Variants in TBC1D22A observed in about 807,000 individuals in gnomAD.
The protein encoded by TBC1D22A is putative GTPase activator.
In TBC1D22A, 38 loss-of-function variants were observed where a neutral mutation model predicts 60.2. The ratio of observed to expected loss-of-function variants is 0.63; its 90% CI spans 0.49 to 0.83. The LOEUF is 0.83. TBC1D22A is among the 40% of genes least tolerant of loss of function. The pLI is 0.00. For missense variants in TBC1D22A, 628 were observed against 701.0 expected (o/e 0.90, Z 1.18); for synonymous variants, 302 against 281.7 (o/e 1.07, Z -0.72).
chr22:47,011,293 G>A (rs968830265), intron 10 of TBC1D22A, among the ~76,000 whole-genome samples: 11 of 152,154 alleles, frequency 7.2e-5, no homozygotes, highest in African/African-American at 2.7e-4. Context: ...GCAGCCTGCA[G>A]CTGTGCCTGT....
At chr22:47,063,539 G>T (rs2063653774) in intron 11 of TBC1D22A, among the ~76,000 whole-genome samples, 1 of 152,136 alleles carries the variant, frequency 6.6e-6, no homozygotes, top group Admixed American at 6.5e-5. Flanking sequence ...CGTGCCTGCT[G>T]GGGGTCCGGG....
rs141935842 is a variant in TBC1D22A at position 47,072,104 on chromosome 22, C to T, written c.1329+34906C>T. On this transcript the variant is annotated intron_variant, in intron 11 of 12. Transcript: ENST00000337137. ...TCTCTAGCAGCCCTCCGAGTGTGCT[C>T]GGAAAGGTGAGGCCCCCGAGGCAGA... 1.4e-4 allele frequency among the ~76,000 whole-genome samples: 21 copies of T among 152,278 alleles called. No homozygotes were observed. In the East Asian group the frequency reaches 3.1e-3, roughly 22 times the overall value.
chr22:46,841,321 T>C (rs1472867980), intron 4 of TBC1D22A, among the ~76,000 whole-genome samples: 2 of 152,238 alleles, frequency 1.3e-5, no homozygotes, highest in African/African-American at 4.8e-5. Context: ...CATTTGTCCC[T>C]TTTGGCCGTT....
chr22:47,044,895 G>A (rs577560285), intron 11 of TBC1D22A, among the ~76,000 whole-genome samples: 2 of 152,294 alleles, frequency 1.3e-5, no homozygotes, highest in East Asian at 1.9e-4. Flanking sequence ...ATTGGGGCTC[G>A]AGAACTCTAC....
chr22:46,814,810 ATT>A (rs554204065), intron 4 of TBC1D22A, among the ~76,000 whole-genome samples: 4 of 134,848 alleles, frequency 3.0e-5, no homozygotes, highest in Admixed American at 7.4e-5. Context: ...CACACTGGCT[ATT>A]TTTTTTTTTT....
At chr22:47,021,465 T>C (rs556924969) in intron 10 of TBC1D22A, among the ~76,000 whole-genome samples, 1 of 150,398 alleles carries the variant, frequency 6.6e-6, no homozygotes, top group Non-Finnish European at 1.5e-5. Flanking sequence ...CCTGGAGCCC[T>C]GAGCAGGGAA....
chr22:47,002,071 T>G (rs901580025), intron 10 of TBC1D22A, among the ~76,000 whole-genome samples: 3 of 152,244 alleles, frequency 2.0e-5, no homozygotes, highest in Non-Finnish European at 4.4e-5. Flanking sequence ...CAAAGGATTT[T>G]GTATATAAAA....
At chr22:46,961,120 G>A (rs904400533) in intron 8 of TBC1D22A, among the ~76,000 whole-genome samples, 1 of 151,660 alleles carries the variant, frequency 6.6e-6, no homozygotes, top group African/African-American at 2.4e-5. Context: ...CATTTTCTTG[G>A]TAATTAGTGT....
chr22:46,793,773 C>T lies in TBC1D22A; in HGVS notation c.392C>T (p.Pro131Leu). 2 of 1,603,904 alleles carry T rather than the reference C, an allele frequency of 1.2e-6. No individual in the cohort carries two copies. Among genetic ancestry groups the T allele is most frequent in the Admixed American group, 1.7e-5 (1 of 58,456 alleles). ...AAGCCCAGGCCCGAGGCAGAGCCGC[C>T]CTCACCCCCCAGCGGCGACCTCCGG... ...QQKPRPEAEP[P>L]SPPSGDLRLV... The change falls in exon 3 of 13, where the codon CCC (proline) becomes CTC (leucine). Residue 131 changes from proline to leucine, a missense_variant. By Grantham distance (98) the Pro-to-Leu change is moderately conservative. Coordinates refer to ENST00000337137, the MANE Select transcript of TBC1D22A (RefSeq NM_014346.5).
chr22:46,847,280 G>C (rs1465400136), intron 4 of TBC1D22A, among the ~76,000 whole-genome samples: 1 of 152,216 alleles, frequency 6.6e-6, no homozygotes, highest in Non-Finnish European at 1.5e-5. Flanking sequence ...GAGGCAGGAG[G>C]CCTGGCCTCA....
At chr22:46,973,127 G>C (rs1191362475) in intron 8 of TBC1D22A, among the ~76,000 whole-genome samples, 1 of 152,200 alleles carries the variant, frequency 6.6e-6, no homozygotes, top group Non-Finnish European at 1.5e-5. Context: ...ATTGTGCAGG[G>C]CTGCGACTGG....
At chr22:46,795,690 G>A (rs1453425348) in intron 3 of TBC1D22A, among the ~76,000 whole-genome samples, 2 of 152,196 alleles carry the variant, frequency 1.3e-5, no homozygotes, top group African/African-American at 4.8e-5. Context: ...TGTGTGGCAG[G>A]TACAGTATCA....
intron 1 of TBC1D22A, among the ~76,000 whole-genome samples, chr22:46,773,546 C>A (rs1041016317): frequency 6.6e-6 from 1 of 152,152 alleles, no homozygotes; most frequent in Non-Finnish European, 1.5e-5. Flanking sequence ...CTCACTGTAA[C>A]CTCTGCCTCC....
At chr22:46,883,078 C>A (rs1489563328) in intron 5 of TBC1D22A, among the ~76,000 whole-genome samples, 5 of 152,194 alleles carry the variant, frequency 3.3e-5, no homozygotes, top group Admixed American at 2.0e-4. Flanking sequence ...TATACAGAAT[C>A]ATATTTCTGG....
intron 11 of TBC1D22A, among the ~76,000 whole-genome samples, chr22:47,063,678 A>C (rs2063660183): frequency 6.6e-6 from 1 of 152,114 alleles, no homozygotes; most frequent in Non-Finnish European, 1.5e-5. Context: ...GCCATGTGTC[A>C]CACACTGAGG....
rs188472541 is a variant in TBC1D22A, at chr22:47,049,349, G to C, written c.1329+12151G>C. Among the ~76,000 whole-genome samples the C allele has an allele frequency of 1.4e-3, 217 of 152,372 alleles. 1 individual carries two copies. Among genetic ancestry groups the C allele is most frequent in the African/African-American group, 4.8e-3 (201 of 41,592 alleles). Reference sequence around the variant, plus strand: ...GAAAGAAGAAGCGGGCATGGGCGCTGGGTTCACGTCCACATCAGGGTCCCC... The same window carrying C: ...GAAAGAAGAAGCGGGCATGGGCGCTCGGTTCACGTCCACATCAGGGTCCCC... On this transcript the variant is annotated intron_variant, in intron 11 of 12. Coordinates refer to ENST00000337137, the MANE Select transcript of TBC1D22A (RefSeq NM_014346.5).
At chr22:46,825,252 T>A (rs1014395324) in intron 4 of TBC1D22A, among the ~76,000 whole-genome samples, 2 of 152,070 alleles carry the variant, frequency 1.3e-5, no homozygotes, top group Non-Finnish European at 2.9e-5. Context: ...AGGAATTTCT[T>A]AGAGGTGCCT....
chr22:46,952,419 G>A (rs1449257597), intron 8 of TBC1D22A, among the ~76,000 whole-genome samples: 1 of 152,114 alleles, frequency 6.6e-6, no homozygotes, highest in African/African-American at 2.4e-5. Flanking sequence ...GTACTTAAAG[G>A]TCCACAAGTG....
chr22:46,802,450 C>G (rs1601925369), intron 4 of TBC1D22A, among the ~76,000 whole-genome samples: 1 of 152,108 alleles, frequency 6.6e-6, no homozygotes, highest in African/African-American at 2.4e-5. Context: ...AGGGACAGGC[C>G]CAGAGGTGCA....
Sources: allele counts gnomAD v4.1 joint callset (sites outside exome capture counted in the v4.1 genomes callset), GRCh38; gene constraint gnomAD v4.1.1; transcripts MANE v1.5; gene names NCBI Gene and HGNC (gene_info 2026-07-23, HGNC 2026-07-21).